ZNF335: variants seen among roughly 807,000 people sequenced by gnomAD.
ZNF335 encodes the protein NRC-interacting factor 1.
In ZNF335, 84 loss-of-function variants were observed where a neutral mutation model predicts 145.6. That is an observed-to-expected ratio of 0.58 (90% CI 0.48 to 0.69). The LOEUF (loss-of-function observed/expected upper bound fraction) is 0.69, where lower values mean the gene tolerates loss of function less well. Among genes scored for constraint, ZNF335 ranks in the 30% least tolerant of loss-of-function variants. ZNF335 has a pLI of 0.00. For missense variants in ZNF335, 1,865 were observed against 1,809.7 expected (o/e 1.03, Z -0.55); for synonymous variants, 761 against 717.0 (o/e 1.06, Z -0.98).
At chr20:45,958,597 C>A (rs111434827) in intron 15 of ZNF335, among the ~76,000 whole-genome samples, 17 of 152,196 alleles carry the variant, frequency 1.1e-4, no homozygotes, top group Non-Finnish European at 2.2e-4. Context: ...CCTCTTCCCT[C>A]TTGCTAACAG....
chr20:45,959,420 GA>G lies in ZNF335; in HGVS notation c.2033del (p.Phe678SerfsTer55). ...TGCTGAAGTGGCAGTACTCACAGGC[GA>G]AGGGCTTGGCCCCTGGAGGCACATG... ...VAVKHTGAKP[F>X]ACEYCHFSTR... On this transcript the variant is annotated frameshift_variant, in exon 15 of 28. Transcript: ENST00000322927. LOFTEE classifies it high-confidence loss of function. The G allele has an allele frequency of 6.8e-7, 1 of 1,475,588 alleles. No homozygotes were observed. The highest frequency in any genetic ancestry group is 9.1e-7 in the Non-Finnish European group (1 of 1,098,304). 91.4% of individuals were successfully genotyped at this position (1,475,588 alleles called of 1,614,324 possible). A position where few individuals can be genotyped will look rare whatever the true frequency, so the allele number is the denominator to read the frequency against.
At chr20:45,968,261 C>T (rs771993773) in intron 4 of ZNF335, 24 bp downstream of exon 4, 8 of 1,608,954 alleles carry the variant, frequency 5.0e-6, no homozygotes, top group East Asian at 4.5e-5. Context: ...CAGGCCTCCC[C>T]GATTCTGGCA....
intron 1 of ZNF335, 62 bp downstream of exon 1, chr20:45,972,060 G>A: frequency 1.6e-6 from 2 of 1,272,522 alleles, no homozygotes; most frequent in Admixed American, 2.4e-5. Context: ...GGGTATCCCC[G>A]CAGTGTGACC....
Position 45,952,660 on chromosome 20 carries a change from G to C in ZNF335, c.2752C>G (p.Leu918Val). 6.2e-7 allele frequency: 1 copy of C among 1,613,850 alleles called. No homozygotes were observed. The highest frequency in any genetic ancestry group is 8.5e-7 in the Non-Finnish European group (1 of 1,180,018). The stretch of plus-strand genomic sequence containing the variant: ...ATGTAGTGGGTGCCAGCTTCTTTTA[G>C]GGTGTCACTCACAACCACAGCCTGG... Reference protein sequence around the residue: ...AAQAVVVSDTLKEAGTHYIMA... With the variant: ...AAQAVVVSDTVKEAGTHYIMA... The change falls in exon 19 of 28, where the codon CTA becomes GTA. Residue 918 changes from leucine to valine, a missense_variant. Coordinates refer to ENST00000322927, the MANE Select transcript of ZNF335 (RefSeq NM_022095.4).
chr20:45,963,665 T>A lies in ZNF335; in HGVS notation c.1356-15A>T, dbSNP rs370419384. The A allele has an allele frequency of 6.4e-5, 103 of 1,613,612 alleles. No individual in the cohort carries two copies. Among genetic ancestry groups the A allele is most frequent in the Non-Finnish European group, 8.3e-5 (98 of 1,179,710 alleles). ...TGTAATAGTACCTGCAGGATGAGAG[T>A]GTGGCGGAAAGGTCTGGTGGGGTTG... On this transcript the variant is annotated splice_polypyrimidine_tract_variant and intron_variant, in intron 8 of 27. Transcript: ENST00000322927.
rs1479969897 is a variant in ZNF335, at chr20:45,963,546, T to C, written c.1460A>G (p.His487Arg). ...GAAGAGCTGGGGATCGCCAGCCTCA[T>C]GGGAGTTGACGTGGAAGCGCAGGTC... ...HEDLRFHVNS[H>R]EAGDPQLFKC... is the part of the protein sequence containing the mutation. Residue 487 changes from histidine (H) to arginine (R), a missense_variant, in exon 9 of 28, where the codon CAT (histidine) becomes CGT (arginine). Physicochemically the swap from His to Arg is conservative, Grantham distance 29. Coordinates refer to ENST00000322927, the MANE Select transcript of ZNF335 (RefSeq NM_022095.4). The C allele has an allele frequency of 1.9e-6, 3 of 1,614,174 alleles. No homozygotes were observed. The highest frequency in any genetic ancestry group is 2.5e-6 in the Non-Finnish European group (3 of 1,180,032).
chr20:45,964,051 G>A, intron 7 of ZNF335, 61 bp from the exon 8 acceptor site: 1 of 1,499,664 alleles, frequency 6.7e-7, no homozygotes, highest in Non-Finnish European at 8.9e-7. Flanking sequence ...ACGTGGACAA[G>A]TGGGCCAGAG....
intron 3 of ZNF335, chr20:45,968,650 T>C: frequency 2.5e-6 from 1 of 396,360 alleles, no homozygotes; most frequent in Non-Finnish European, 4.6e-6. Flanking sequence ...TGGGAAGTCC[T>C]CCTTCCTCTC....
chr20:45,965,597 CACACG>C, intron 7 of ZNF335, 26 bp downstream of exon 7: 1 of 1,580,578 alleles, frequency 6.3e-7, no homozygotes, highest in Non-Finnish European at 8.6e-7. Context: ...CTGACCCACC[CACACG>C]AGCCCCTCCC....
chr20:45,963,852 C>T lies in ZNF335; in HGVS notation c.1241G>A (p.Gly414Asp). The T allele has an allele frequency of 5.0e-6, 8 of 1,612,486 alleles. No individual in the cohort carries two copies. Among genetic ancestry groups the T allele is most frequent in the Non-Finnish European group, 6.8e-6 (8 of 1,179,044 alleles). The change falls in exon 8 of 28, where the codon GGT (glycine) becomes GAT (aspartate). Residue 414 changes from glycine (G) to aspartate (D), a missense_variant. Physicochemically the swap from Gly to Asp is moderately conservative, Grantham distance 94. Transcript: ENST00000322927. ...GKVSRTPVEA[G>D]VSQSDAENAA... is the part of the protein sequence containing the mutation. ...GTTCTCTGCATCTGACTGGCTCACACCAGCTTCCACAGGGGTCCTGCTCAC... is the reference window on the plus strand; with the variant it reads ...GTTCTCTGCATCTGACTGGCTCACATCAGCTTCCACAGGGGTCCTGCTCAC...
At chr20:45,955,749 G>C (rs1043741983) in intron 17 of ZNF335, among the ~76,000 whole-genome samples, 1 of 151,838 alleles carries the variant, frequency 6.6e-6, no homozygotes, top group African/African-American at 2.4e-5. Context: ...GAACCCAGGA[G>C]GCGGAGGTTG....
rs2083903679 is a variant in ZNF335, at chr20:45,963,984, T to C, written c.1109A>G (p.Glu370Gly). The change falls in exon 8 of 28, where the codon GAA (glutamate) becomes GGA (glycine). Residue 370 changes from glutamate to glycine, a missense_variant. Physicochemically the swap from Glu to Gly is moderately conservative, Grantham distance 98. Coordinates refer to ENST00000322927, the MANE Select transcript of ZNF335 (RefSeq NM_022095.4). The stretch of plus-strand genomic sequence containing the variant: ...CTGGGAACTCACTAGAGGCTCTCCT[T>C]CCACACCTGCCACGGACATGCCAGG... ...LEISDLPDGV[E>G]GEPLVSSQSG... is the part of the protein sequence containing the mutation. The C allele has an allele frequency of 2.0e-6, 3 of 1,517,386 alleles. No individual in the cohort carries two copies. The South Asian group carries it at 4.0e-5, about 20-fold the overall frequency. 94.0% of individuals were successfully genotyped at this position (1,517,386 alleles called of 1,614,324 possible). A position where few individuals can be genotyped will look rare whatever the true frequency, so the allele number is the denominator to read the frequency against.
Position 45,968,280 on chromosome 20 carries a change from C to G in ZNF335, c.520+5G>C. On this transcript the variant is annotated splice_donor_5th_base_variant and intron_variant, in intron 4 of 27. Coordinates refer to ENST00000322927, the MANE Select transcript of ZNF335 (RefSeq NM_022095.4). ...CCTCCCCGATTCTGGCACCTGGGGT[C>G]TTACCATCATCTGGGCCCTGTAGGA... 6.2e-7 allele frequency: 1 copy of G among 1,612,344 alleles called. No individual in the cohort carries two copies. The highest frequency in any genetic ancestry group is 1.1e-5 in the South Asian group (1 of 91,050).
In ZNF335 at chr20:45,959,304, G is replaced by C. The variant is rs374080544; in HGVS notation, c.2150C>G (p.Pro717Arg). The C allele has an allele frequency of 3.2e-6, 5 of 1,569,432 alleles. No homozygotes were observed. The South Asian group carries it at 4.6e-5, about 15-fold the overall frequency. ...AGAGAAGAAGGGGCGACGGCGGGAGGGGGGCTCCTCAGGGTGGCGCCTCCC... is the reference window on the plus strand; with the variant it reads ...AGAGAAGAAGGGGCGACGGCGGGAGCGGGGCTCCTCAGGGTGGCGCCTCCC... ...EWGRRHPEEP[P>R]SRRRPFFSLQ... Residue 717 changes from proline (P) to arginine (R), a missense_variant, in exon 15 of 28, where the codon CCC (proline) becomes CGC (arginine). By Grantham distance (103) the Pro-to-Arg change is moderately radical. Coordinates refer to ENST00000322927, the MANE Select transcript of ZNF335 (RefSeq NM_022095.4).
Position 45,959,208 on chromosome 20 carries a change from G to A in ZNF335, c.2246C>T (p.Pro749Leu). Residue 749 changes from proline (P) to leucine (L), a missense_variant, in exon 15 of 28, where the codon CCT becomes CTT. By Grantham distance (98) the Pro-to-Leu change is moderately conservative. Transcript: ENST00000322927. ...CCCATGCCCCGACCTTACCTCAGGAGGTCCTGGGGAACTGGGAGGTGGTCC... is the reference window on the plus strand; with the variant it reads ...CCCATGCCCCGACCTTACCTCAGGAAGTCCTGGGGAACTGGGAGGTGGTCC... ...APGPPPSSPGPPEIPPEATTF... is the reference protein window; with the variant it reads ...APGPPPSSPGLPEIPPEATTF... 1.5e-6 allele frequency: 2 copies of A among 1,367,568 alleles called. No homozygotes were observed. Among genetic ancestry groups the A allele is most frequent in the African/African-American group, 1.5e-5 (1 of 67,160 alleles). 84.7% of individuals were successfully genotyped at this position (1,367,568 alleles called of 1,614,324 possible).
rs1001343379 is a variant in ZNF335, at chr20:45,967,532, T to C, written c.917A>G (p.Asp306Gly). 6.2e-7 allele frequency: 1 copy of C among 1,614,072 alleles called. No individual in the cohort carries two copies. The highest frequency in any genetic ancestry group is 1.7e-5 in the Admixed American group (1 of 60,014). The change falls in exon 6 of 28, where the codon GAT (aspartate) becomes GGT (glycine). Residue 306 changes from aspartate (D) to glycine (G), a missense_variant. Coordinates refer to ENST00000322927, the MANE Select transcript of ZNF335 (RefSeq NM_022095.4). ...EEEGPEEEDDDDIVDAGAIDD... is the reference protein window; with the variant it reads ...EEEGPEEEDDGDIVDAGAIDD... ...AATGGCTCCAGCGTCTACAATGTCA[T>C]CATCGTCCTCCTCCTCTGGTCCCTC...
chr20:45,962,808 T>G (rs1438977322), intron 9 of ZNF335, among the ~76,000 whole-genome samples: 1 of 103,802 alleles, frequency 9.6e-6, no homozygotes, highest in Non-Finnish European at 2.0e-5. Context: ...ACCGTTTTTT[T>G]TTTTTTGTTT....
At chr20:45,954,451 C>G (rs1383170658) in intron 17 of ZNF335, among the ~76,000 whole-genome samples, 7 of 152,262 alleles carry the variant, frequency 4.6e-5, no homozygotes. Context: ...TAATAAAACT[C>G]TAAATATATT....
At chr20:45,951,507 T>C (rs1181579493) in intron 20 of ZNF335, among the ~76,000 whole-genome samples, 1 of 152,250 alleles carries the variant, frequency 6.6e-6, no homozygotes, top group African/African-American at 2.4e-5. Context: ...TTTCACGGCA[T>C]GTGCAGGGTG....
Sources: gnomAD v4.1 joint callset for allele counts (sites outside exome capture counted in the v4.1 genomes callset) on GRCh38, gnomAD v4.1.1 for gene constraint, MANE v1.5 for transcripts, NCBI Gene and HGNC (gene_info 2026-07-23, HGNC 2026-07-21) for gene names.